Variants in ZNF407 observed in about 807,000 individuals in gnomAD.
The protein encoded by ZNF407 is zinc finger protein 407.
In ZNF407, 17 loss-of-function variants were observed where a neutral mutation model predicts 131.2. The ratio of observed to expected loss-of-function variants is 0.13; its 90% CI spans 0.09 to 0.19. The LOEUF is 0.19. Ranked by LOEUF, ZNF407 falls within the 10% of genes least tolerant of loss-of-function variation. The pLI, the probability that ZNF407 is intolerant of heterozygous loss-of-function variation, is 1.00. For missense variants in ZNF407, 2,681 were observed against 2,830.6 expected (o/e 0.95, Z 1.20); for synonymous variants, 1,156 against 1,062.0 (o/e 1.09, Z -1.72).
chr18:74,977,545 A>G (rs1972541527), intron 8 of ZNF407, among the ~76,000 whole-genome samples: 4 of 152,232 alleles, frequency 2.6e-5, no homozygotes, highest in Admixed American at 2.0e-4. Context: ...TTAAGTCTAA[A>G]CAGATGTTAA....
At chr18:74,955,423 G>T (rs566480531) in intron 8 of ZNF407, among the ~76,000 whole-genome samples, 2 of 152,282 alleles carry the variant, frequency 1.3e-5, no homozygotes, top group South Asian at 4.1e-4. Flanking sequence ...CCCAGAATCA[G>T]CATTTAAGGA....
intron 3 of ZNF407, among the ~76,000 whole-genome samples, chr18:74,762,669 A>G (rs113609919): frequency 6.6e-6 from 1 of 151,906 alleles, no homozygotes; most frequent in Non-Finnish European, 1.5e-5. Flanking sequence ...TTGTGAATGG[A>G]ATGATATAGT....
At chr18:74,807,593 G>C (rs1038991863) in intron 4 of ZNF407, among the ~76,000 whole-genome samples, 4 of 152,132 alleles carry the variant, frequency 2.6e-5, no homozygotes, top group Non-Finnish European at 5.9e-5. Flanking sequence ...AATTTCAAGT[G>C]TAGAATAAAA....
intron 8 of ZNF407, among the ~76,000 whole-genome samples, chr18:75,049,110 G>A (rs936108326): frequency 2.1e-5 from 3 of 146,276 alleles, no homozygotes; most frequent in African/African-American, 5.2e-5. Flanking sequence ...GGTGGGGGGG[G>A]GGTGGGGGAG....
chr18:74,747,382 A>G (rs901348089), intron 3 of ZNF407, among the ~76,000 whole-genome samples: 5 of 152,162 alleles, frequency 3.3e-5, no homozygotes, highest in African/African-American at 7.2e-5. Flanking sequence ...GAAAAGGAGA[A>G]TGTGTGAATT....
intron 8 of ZNF407, among the ~76,000 whole-genome samples, chr18:74,933,015 C>T (rs942408306): frequency 1.3e-4 from 20 of 152,106 alleles, no homozygotes; most frequent in African/African-American, 2.4e-4. Flanking sequence ...GTAGAATTAC[C>T]GTATTATCCA....
At chr18:74,868,637 T>C (rs1475054725) in intron 4 of ZNF407, among the ~76,000 whole-genome samples, 1 of 152,228 alleles carries the variant, frequency 6.6e-6, no homozygotes, top group Non-Finnish European at 1.5e-5. Flanking sequence ...TCACTGCTCT[T>C]GCATACCACC....
intron 3 of ZNF407, among the ~76,000 whole-genome samples, chr18:74,723,076 ACTTTGTC>A (rs1481558669): frequency 6.6e-6 from 1 of 151,918 alleles, no homozygotes; most frequent in African/African-American, 2.4e-5. Context: ...TTGATTCTTT[ACTTTGTC>A]ATATTCATTT....
intron 7 of ZNF407, among the ~76,000 whole-genome samples, chr18:74,909,058 G>A (rs1428330555): frequency 0.013 from 9 of 680 alleles, no homozygotes; most frequent in Non-Finnish European, 0.045. Context: ...TTATATAAAC[G>A]TATAATATTG....
At chr18:74,666,254 G>A (rs1188019289) in intron 3 of ZNF407, among the ~76,000 whole-genome samples, 2 of 152,130 alleles carry the variant, frequency 1.3e-5, no homozygotes, top group African/African-American at 4.8e-5. Flanking sequence ...ATTTCTGTGG[G>A]CCAGGTGAAT....
chr18:75,027,182 T>G (rs1015304640), intron 8 of ZNF407, among the ~76,000 whole-genome samples: 3 of 152,106 alleles, frequency 2.0e-5, no homozygotes, highest in Non-Finnish European at 4.4e-5. Context: ...GACAAAAGAC[T>G]GAGCACGGAG....
chr18:74,766,998 G>A lies in ZNF407; in HGVS notation c.4803-14430G>A, dbSNP rs557718966. 3.9e-5 allele frequency among the ~76,000 whole-genome samples: 6 copies of A among 152,158 alleles called. No homozygotes were observed. In the South Asian group the frequency reaches 6.2e-4, roughly 16 times the overall value. ...ACAGTCTCTGCTCACTGCAACCTCC[G>A]TCTGCCAGCTTCAAGCGATTCTCCT... On this transcript the variant is annotated intron_variant, in intron 3 of 8. Coordinates refer to ENST00000299687, the MANE Select transcript of ZNF407 (RefSeq NM_017757.3).
chr18:74,644,358 A>G (rs1171376069), intron 3 of ZNF407, among the ~76,000 whole-genome samples: 1 of 151,738 alleles, frequency 6.6e-6, no homozygotes, highest in Non-Finnish European at 1.5e-5. Context: ...GTAAGAAATA[A>G]TAGAAACTAT....
chr18:74,617,153 A>C, intron 1 of ZNF407, among the ~76,000 whole-genome samples: 1 of 152,222 alleles, frequency 6.6e-6, no homozygotes, highest in Admixed American at 6.5e-5. Context: ...ACACATCCAT[A>C]TCCACGCACC....
intron 7 of ZNF407, among the ~76,000 whole-genome samples, chr18:74,918,731 T>C (rs1019434976): frequency 6.6e-6 from 1 of 152,076 alleles, no homozygotes; most frequent in Non-Finnish European, 1.5e-5. Context: ...AAAGGTGTTA[T>C]TGTTATTTTA....
intron 3 of ZNF407, among the ~76,000 whole-genome samples, chr18:74,772,362 C>T (rs899600168): frequency 6.6e-6 from 1 of 152,090 alleles, no homozygotes; most frequent in Non-Finnish European, 1.5e-5. Flanking sequence ...AATCCCATGT[C>T]AGAGTGAATT....
At chr18:74,898,053 G>A (rs1971476006) in intron 7 of ZNF407, 3 of 152,156 alleles carry the variant, frequency 2.0e-5, no homozygotes, top group Admixed American at 2.0e-4. Context: ...TTGCCTGTCT[G>A]GAGCCTGTAG....
chr18:74,700,388 A>G (rs1967463566), intron 3 of ZNF407, among the ~76,000 whole-genome samples: 2 of 152,348 alleles, frequency 1.3e-5, no homozygotes, highest in South Asian at 4.1e-4. Context: ...CTGCTTTCTA[A>G]TAAGATGGTA....
chr18:74,852,156 A>T (rs1018873659), intron 4 of ZNF407, among the ~76,000 whole-genome samples: 2 of 143,008 alleles, frequency 1.4e-5, no homozygotes, highest in Non-Finnish European at 3.0e-5. Flanking sequence ...GTATGCATGG[A>T]TGCATGCTAC....
Sources: allele counts gnomAD v4.1 joint callset (sites outside exome capture counted in the v4.1 genomes callset), GRCh38; gene constraint gnomAD v4.1.1; transcripts MANE v1.5; gene names NCBI Gene and HGNC (gene_info 2026-07-23, HGNC 2026-07-21).